CCDC102B: variants seen among roughly 807,000 people sequenced by gnomAD.
The protein encoded by CCDC102B is coiled-coil domain containing 102B, also known as coiled-coil domain-containing protein 102B.
Under a neutral mutation model 57.4 loss-of-function variants are expected in CCDC102B, and 75 were observed. The observed-to-expected ratio is 1.31, with a 90% confidence interval of 1.08 to 1.58. The LOEUF (loss-of-function observed/expected upper bound fraction) is 1.58, where lower values mean the gene tolerates loss of function less well. Among genes scored for constraint, CCDC102B ranks in the 40% most tolerant of loss-of-function variants. The pLI is 0.00. For synonymous variants in CCDC102B, 206 were observed against 201.9 expected (o/e 1.02, Z -0.17); for missense variants, 636 against 582.6 (o/e 1.09, Z -0.94).
intron 5 of CCDC102B, among the ~76,000 whole-genome samples, chr18:68,895,948 A>T (rs972973513): frequency 3.3e-5 from 5 of 151,962 alleles, no homozygotes; most frequent in Admixed American, 2.6e-4. Flanking sequence ...TAAAAAATTT[A>T]TATTACCACA....
At chr18:68,934,986 C>G (rs993449809) in intron 6 of CCDC102B, among the ~76,000 whole-genome samples, 1 of 151,738 alleles carries the variant, frequency 6.6e-6, no homozygotes. Context: ...GGCGGTGAGT[C>G]CTATGGAGAA....
chr18:69,021,338 G>T (rs868827487), intron 7 of CCDC102B, among the ~76,000 whole-genome samples: 1 of 152,308 alleles, frequency 6.6e-6, no homozygotes, highest in South Asian at 2.1e-4. Context: ...TGAAAAAGAT[G>T]TAGTAAGTGT....
chr18:68,789,280 G>A (rs112384813), intron 2 of CCDC102B, among the ~76,000 whole-genome samples: 3 of 151,976 alleles, frequency 2.0e-5, no homozygotes, highest in South Asian at 4.2e-4. Context: ...CTTCATTTCA[G>A]CTTTGGTGAA....
At chr18:68,763,643 A>G (rs1269660149) in intron 2 of CCDC102B, among the ~76,000 whole-genome samples, 1 of 152,036 alleles carries the variant, frequency 6.6e-6, no homozygotes, top group Admixed American at 6.6e-5. Context: ...ATTCTTGTTT[A>G]TACAGAATAT....
chr18:68,945,148 A>ACACACACACACT (rs2049502070), intron 6 of CCDC102B, among the ~76,000 whole-genome samples: 1 of 150,366 alleles, frequency 6.7e-6, no homozygotes, highest in African/African-American at 2.4e-5. Flanking sequence ...ACACACACAC[A>ACACACACACACT]CTCATCTAGC....
chr18:68,784,800 A>G (rs1046268686), intron 2 of CCDC102B, among the ~76,000 whole-genome samples: 1 of 152,090 alleles, frequency 6.6e-6, no homozygotes, highest in African/African-American at 2.4e-5. Flanking sequence ...CTTTAAAGCC[A>G]TAGATTATGC....
At chr18:68,979,227 T>C (rs189078689) in intron 6 of CCDC102B, among the ~76,000 whole-genome samples, 1 of 152,186 alleles carries the variant, frequency 6.6e-6, no homozygotes, top group East Asian at 1.9e-4. Context: ...GTTTAGAATA[T>C]GTTCAACATG....
intron 2 of CCDC102B, among the ~76,000 whole-genome samples, chr18:68,779,840 TG>T (rs1360518112): frequency 2.0e-5 from 3 of 152,134 alleles, no homozygotes; most frequent in African/African-American, 7.2e-5. Context: ...AGAAAACAAT[TG>T]TATTGAGCTA....
At chr18:68,977,517 T>C (rs1474688841) in intron 6 of CCDC102B, among the ~76,000 whole-genome samples, 1 of 151,592 alleles carries the variant, frequency 6.6e-6, no homozygotes, top group Non-Finnish European at 1.5e-5. Flanking sequence ...TTTAAAATAA[T>C]TTAAAATGTT....
chr18:68,897,224 G>A lies in CCDC102B; in HGVS notation c.1059G>A (p.Glu353=). 6.2e-7 allele frequency: 1 copy of A among 1,611,494 alleles called. No homozygotes were observed. Among genetic ancestry groups the A allele is most frequent in the Non-Finnish European group, 8.5e-7 (1 of 1,178,542 alleles). Residue 353 remains glutamate (E), a synonymous_variant, in exon 6 of 8, where the codon GAG becomes GAA. Coordinates refer to ENST00000360242, the MANE Select transcript of CCDC102B (RefSeq NM_024781.3). ...RVICELRAEL[E]RLQAENTSEW... ...TTTGTGTTTTCTGTGTGTAGCTAGAGAGATTGCAAGCTGAAAATACCTCGG... is the reference window on the plus strand; with the variant it reads ...TTTGTGTTTTCTGTGTGTAGCTAGAAAGATTGCAAGCTGAAAATACCTCGG...
At chr18:68,839,060 T>C (rs535318337) in intron 3 of CCDC102B, 134 bp downstream of exon 3, 2 of 769,196 alleles carry the variant, frequency 2.6e-6, no homozygotes, top group East Asian at 5.4e-5. Context: ...TTTAAAGAAA[T>C]TAGTTTGATA....
chr18:68,719,221 A>G (rs1599365487), intron 2 of CCDC102B, among the ~76,000 whole-genome samples: 1 of 152,224 alleles, frequency 6.6e-6, no homozygotes, highest in East Asian at 1.9e-4. Flanking sequence ...ACCAATCTTT[A>G]TGAAAACAAA....
At chr18:68,763,879 C>T (rs933402507) in intron 2 of CCDC102B, among the ~76,000 whole-genome samples, 2 of 152,132 alleles carry the variant, frequency 1.3e-5, no homozygotes, top group South Asian at 4.1e-4. Flanking sequence ...TATAAAGTAG[C>T]CTTTTCCCCC....
chr18:68,885,964 C>T (rs1363540960), intron 5 of CCDC102B, among the ~76,000 whole-genome samples: 1 of 151,842 alleles, frequency 6.6e-6, no homozygotes, highest in Non-Finnish European at 1.5e-5. Context: ...AAGCAAGAAA[C>T]TATGAGGCAC....
At chr18:68,838,451 A>G (rs556849521) in intron 2 of CCDC102B, 1 of 985,234 alleles carries the variant, frequency 1.0e-6, no homozygotes, top group African/African-American at 1.7e-5. Context: ...TGCGATTAGA[A>G]AAAGAGAACA....
At position 68,991,330 on chromosome 18, in the gene CCDC102B, A is replaced by G. The variant is rs142188603; in HGVS notation, c.1264-19604A>G. Among the ~76,000 whole-genome samples the G allele has an allele frequency of 3.3e-4, 50 of 152,328 alleles. 1 individual carries two copies. The highest frequency in any genetic ancestry group is 1.2e-3 in the African/African-American group (48 of 41,580). On this transcript the variant is annotated intron_variant, in intron 6 of 7. Coordinates refer to ENST00000360242, the MANE Select transcript of CCDC102B (RefSeq NM_024781.3). The stretch of plus-strand genomic sequence containing the variant: ...TGGGGAACTTGTAAAAGGCTGATTT[A>G]TCAAATGAAATTAAGCATTTTCAAC...
At chr18:68,735,961 C>T (rs1178838843) in intron 2 of CCDC102B, among the ~76,000 whole-genome samples, 1 of 152,126 alleles carries the variant, frequency 6.6e-6, no homozygotes, top group African/African-American at 2.4e-5. Flanking sequence ...TGCAGGCAGG[C>T]TTGTCAGCAG....
intron 1 of CCDC102B, among the ~76,000 whole-genome samples, chr18:68,821,070 T>C (rs537722742): frequency 6.6e-6 from 1 of 152,292 alleles, no homozygotes; most frequent in Admixed American, 6.5e-5. Flanking sequence ...GGCTTCCCAG[T>C]GTGGTTCATT....
Position 68,825,320 on chromosome 18 carries a change from A to T in CCDC102B, c.-15-11429A>T, listed in dbSNP as rs952488908. 2.6e-5 allele frequency among the ~76,000 whole-genome samples: 4 copies of T among 152,214 alleles called. No individual in the cohort carries two copies. The South Asian group carries it at 6.2e-4, about 24-fold the overall frequency. On this transcript the variant is annotated intron_variant, in intron 1 of 7. Transcript: ENST00000360242. ...TGCTATTGTATTTGGCATTCAAAAA[A>T]TGGGAAAGAAAAAGCTAAATAATAC...
Sources: gnomAD v4.1 joint callset for allele counts (sites outside exome capture counted in the v4.1 genomes callset) on GRCh38, gnomAD v4.1.1 for gene constraint, MANE v1.5 for transcripts, NCBI Gene and HGNC (gene_info 2026-07-23, HGNC 2026-07-21) for gene names.